The following ARSK variants were observed in gnomAD, a reference collection of about 807,000 sequenced individuals.
ARSK encodes arylsulfatase family member K.
In ARSK, 37 loss-of-function variants were observed where a neutral mutation model predicts 53.2. The ratio of observed to expected loss-of-function variants is 0.70; its 90% CI spans 0.54 to 0.92. The LOEUF (loss-of-function observed/expected upper bound fraction) is 0.92. Among genes scored for constraint, ARSK ranks in the 40% least tolerant of loss-of-function variants. ARSK has a pLI of 0.00. For missense variants in ARSK, 613 were observed against 643.0 expected (o/e 0.95, Z 0.51); for synonymous variants, 208 against 223.2 (o/e 0.93, Z 0.61).
chr5:95,557,433 T>A (rs1342261597), intron 1 of ARSK, among the ~76,000 whole-genome samples: 1 of 152,262 alleles, frequency 6.6e-6, no homozygotes, highest in Non-Finnish European at 1.5e-5. Context: ...AATATTTTGG[T>A]CTAAATGCAT....
At chr5:95,557,320 G>A (rs544516318) in intron 1 of ARSK, among the ~76,000 whole-genome samples, 20 of 152,258 alleles carry the variant, frequency 1.3e-4, no homozygotes, top group Middle Eastern at 3.4e-3. Context: ...ATTTTAGAAT[G>A]AGAAAAATAA....
chr5:95,591,638 G>C lies in ARSK; in HGVS notation c.1096+13G>C, dbSNP rs1414860497. On this transcript the variant is annotated intron_variant, in intron 6 of 7. Coordinates refer to ENST00000380009, the MANE Select transcript of ARSK (RefSeq NM_198150.3). ...CCTACCATGCTTGGTAAGTAATGTAGTTCTGTAAATATTTATTTGTAATAA... is the reference window on the plus strand; with the variant it reads ...CCTACCATGCTTGGTAAGTAATGTACTTCTGTAAATATTTATTTGTAATAA... 3.1e-6 allele frequency: 5 copies of C among 1,608,860 alleles called. No homozygotes were observed. In the Admixed American group the frequency reaches 5.0e-5, roughly 16 times the overall value.
chr5:95,586,922 A>C (rs1167830106), intron 5 of ARSK, among the ~76,000 whole-genome samples, 189 bp downstream of exon 5: 1 of 152,186 alleles, frequency 6.6e-6, no homozygotes, highest in African/African-American at 2.4e-5. Context: ...AATGATTCAG[A>C]AATTCTCAGA....
chr5:95,584,194 G>T (rs1242413642), intron 4 of ARSK, among the ~76,000 whole-genome samples: 2 of 152,020 alleles, frequency 1.3e-5, no homozygotes. Flanking sequence ...TTATCACTAG[G>T]ATACAAGTAC....
At position 95,601,002 on chromosome 5, in the gene ARSK, A is replaced by G. The variant is rs1402214412; in HGVS notation, c.1252A>G (p.Met418Val). The G allele has an allele frequency of 6.2e-7, 1 of 1,614,106 alleles. No individual in the cohort carries two copies. Among genetic ancestry groups the G allele is most frequent in the Non-Finnish European group, 8.5e-7 (1 of 1,179,970 alleles). ...HGCNVNASTY[M>V]LRTNHWKYIA... The stretch of plus-strand genomic sequence containing the variant: ...ATGTAATGTGAATGCCTCCACCTAC[A>G]TGCTTCGAACTAACCACTGGAAATA... Residue 418 changes from methionine to valine, a missense_variant, in exon 7 of 8, where the codon ATG (methionine) becomes GTG (valine). Coordinates refer to ENST00000380009, the MANE Select transcript of ARSK (RefSeq NM_198150.3).
chr5:95,590,929 TAG>T (rs1267033148), intron 5 of ARSK, among the ~76,000 whole-genome samples: 2 of 152,174 alleles, frequency 1.3e-5, no homozygotes, highest in Non-Finnish European at 2.9e-5. Context: ...GGTGATTGCT[TAG>T]AGATTTGGGA....
chr5:95,572,510 G>A (rs1356335179), intron 3 of ARSK, among the ~76,000 whole-genome samples: 1 of 152,216 alleles, frequency 6.6e-6, no homozygotes, highest in Non-Finnish European at 1.5e-5. Flanking sequence ...CGGGCGCGGT[G>A]GCTCACGCCT....
rs1041085645 is a variant in ARSK, at chr5:95,586,878, C to T, written c.871+145C>T. On this transcript the variant is annotated intron_variant, in intron 5 of 7. Transcript: ENST00000380009. ...ACACTTATCAAAACTTGATAACTTG[C>T]GTTATTGATAGAATGAAAAGCTCTT... 9 of 591,290 alleles carry T rather than the reference C, an allele frequency of 1.5e-5. No individual in the cohort carries two copies. The Admixed American group carries it at 2.0e-4, about 13-fold the overall frequency. The allele number at this position is 591,290 out of a possible 1,614,324, so 36.6% of individuals were successfully genotyped here.
chr5:95,559,980 G>A (rs1667212871), intron 1 of ARSK, among the ~76,000 whole-genome samples: 1 of 152,098 alleles, frequency 6.6e-6, no homozygotes. Context: ...TAATAAATTA[G>A]TAAGGCTGTA....
rs892989445 is a variant in ARSK at position 95,555,636 on chromosome 5, C to CT, written c.126+242dup. ...AAACACTGAAAACATCTTTGCAGATCTTTTTTTTTTAATACTGACCTCGAT... is the reference window on the plus strand; with the variant it reads ...AAACACTGAAAACATCTTTGCAGATCTTTTTTTTTTTAATACTGACCTCGAT... On this transcript the variant is annotated intron_variant, in intron 1 of 7. Coordinates refer to ENST00000380009, the MANE Select transcript of ARSK (RefSeq NM_198150.3). This position sits in a 1 kb window ranked among gnomAD's most constrained non-coding sequence, Gnocchi z 4.0. Among the ~76,000 whole-genome samples the CT allele has an allele frequency of 4.2e-3, 556 of 133,404 alleles. 2 individuals carry two copies. The Middle Eastern group carries it at 0.05, about 12-fold the overall frequency. The allele number at this position is 133,404 out of a possible 152,430, so 87.5% of individuals were successfully genotyped here.
intron 3 of ARSK, among the ~76,000 whole-genome samples, chr5:95,572,329 A>G (rs1468843236): frequency 6.6e-6 from 1 of 152,218 alleles, no homozygotes; most frequent in African/African-American, 2.4e-5. Context: ...CTTTCACTAG[A>G]TGGCTTTAAA....
Position 95,601,049 on chromosome 5 carries a change from A to G in ARSK, c.1299A>G (p.Ala433=), listed in dbSNP as rs1169616492. The change falls in exon 7 of 8, where the codon GCA becomes GCG. Residue 433 remains alanine, a synonymous_variant. Transcript: ENST00000380009. The stretch of plus-strand genomic sequence containing the variant: ...AATATATAGCCTATTCGGATGGTGC[A>G]TCAATATTGCCTCAACTCTTTGGTA... ...HWKYIAYSDG[A]SILPQLFDLS... 3 of 1,613,834 alleles carry G rather than the reference A, an allele frequency of 1.9e-6. No individual in the cohort carries two copies. The highest frequency in any genetic ancestry group is 1.7e-5 in the Admixed American group (1 of 60,026).
At chr5:95,573,103 A>G (rs1748862405) in intron 3 of ARSK, among the ~76,000 whole-genome samples, 1 of 152,298 alleles carries the variant, frequency 6.6e-6, no homozygotes, top group Non-Finnish European at 1.5e-5. Context: ...CATGTCTAAA[A>G]CTAGACATTT....
intron 6 of ARSK, among the ~76,000 whole-genome samples, chr5:95,595,562 C>T (rs1425200840): frequency 1.3e-5 from 2 of 151,770 alleles, no homozygotes; most frequent in Non-Finnish European, 2.9e-5. Context: ...CAAATTAACA[C>T]AATAACAGAA....
intron 3 of ARSK, among the ~76,000 whole-genome samples, chr5:95,581,485 G>C (rs1749019984): frequency 6.6e-6 from 1 of 152,184 alleles, no homozygotes; most frequent in Non-Finnish European, 1.5e-5. Context: ...AGTCTAACCT[G>C]AGTTAATCCA....
At position 95,555,815 on chromosome 5, in the gene ARSK, T is replaced by C. The variant is rs1748490345; in HGVS notation, c.126+411T>C. Among the ~76,000 whole-genome samples, 1 of 152,240 alleles carries C rather than the reference T, an allele frequency of 6.6e-6. No individual in the cohort carries two copies. The highest frequency in any genetic ancestry group is 6.5e-5 in the Admixed American group (1 of 15,292). On this transcript the variant is annotated intron_variant, in intron 1 of 7. Coordinates refer to ENST00000380009, the MANE Select transcript of ARSK (RefSeq NM_198150.3). The surrounding 1 kb of genome is among the most constrained non-coding windows in gnomAD (Gnocchi z 4.0). ...CACCTCAAGTTTGCAGGAATTCATG[T>C]TTGGGTGAGAAGTGAAGAAAGTTTA...
chr5:95,590,041 G>A (rs892399030), intron 5 of ARSK, among the ~76,000 whole-genome samples: 1 of 152,164 alleles, frequency 6.6e-6, no homozygotes, highest in African/African-American at 2.4e-5. Flanking sequence ...TTTATTGAAT[G>A]AGCATAAATG....
At position 95,555,342 on chromosome 5, in the gene ARSK, G is replaced by T; in HGVS notation, c.64G>T (p.Gly22Trp). The T allele has an allele frequency of 6.2e-7, 1 of 1,609,974 alleles. No homozygotes were observed. Residue 22 changes from glycine (G) to tryptophan (W), a missense_variant, in exon 1 of 8, where the codon GGG becomes TGG. By Grantham distance (184) the Gly-to-Trp change is radical. Coordinates refer to ENST00000380009, the MANE Select transcript of ARSK (RefSeq NM_198150.3). This position sits in a 1 kb window ranked among gnomAD's most constrained non-coding sequence, Gnocchi z 4.0. ...LALAVLAPGA[G>W]EQRRRAAKAP... ...GCTGGCGGTACTGGCCCCCGGAGCA[G>T]GGGAGCAGAGGCGGAGAGCAGCCAA...
chr5:95,595,823 G>C (rs73777201), intron 6 of ARSK, among the ~76,000 whole-genome samples: 40,626 of 151,916 alleles, frequency 0.27, 7,673 homozygotes, highest in African/African-American at 0.54. Context: ...CCCACTGAAT[G>C]TAAAACGTTG....
Sources: gnomAD v4.1 joint callset for allele counts (sites outside exome capture counted in the v4.1 genomes callset) on GRCh38, gnomAD v4.1.1 for gene constraint, Gnocchi (gnomAD v3.1) non-coding constraint, MANE v1.5 for transcripts, NCBI Gene and HGNC (gene_info 2026-07-23, HGNC 2026-07-21) for gene names.